Variants in ZKSCAN5 observed in about 807,000 individuals in gnomAD.
ZKSCAN5 encodes the protein zinc finger with KRAB and SCAN domains 5.
Under a neutral mutation model 60.0 loss-of-function variants are expected in ZKSCAN5, and 28 were observed. The observed-to-expected ratio is 0.47, with a 90% CI of 0.35 to 0.64. The LOEUF (loss-of-function observed/expected upper bound fraction) is 0.64, where lower values mean the gene tolerates loss of function less well. ZKSCAN5 is among the 30% of genes least tolerant of loss of function. The pLI is 0.01. For missense variants in ZKSCAN5, 881 were observed against 1,034.6 expected (o/e 0.85, Z 2.04); for synonymous variants, 361 against 371.2 (o/e 0.97, Z 0.31).
intron 1 of ZKSCAN5, chr7:99,504,986 G>C (rs1172879872): frequency 6.6e-6 from 1 of 152,464 alleles, no homozygotes; most frequent in Non-Finnish European, 1.5e-5. Flanking sequence ...AGCTTGGGCT[G>C]TTTGAATGGC....
Position 99,532,410 on chromosome 7 carries a change from C to T in ZKSCAN5, c.*161C>T, listed in dbSNP as rs747184286. The T allele has an allele frequency of 5.8e-5, 33 of 569,240 alleles. No individual in the cohort carries two copies. The highest frequency in any genetic ancestry group is 7.6e-5 in the Non-Finnish European group (27 of 355,308). The allele number at this position is 569,240 out of a possible 1,614,324, so 35.3% of individuals were successfully genotyped here. ...GCCTTTAGGAACACCGGAGAACCCA[C>T]AATAATAGAAATCTTTTCGTGTTCC... is the stretch of plus-strand genomic sequence containing the variant. On this transcript the variant is annotated 3_prime_UTR_variant, in exon 7 of 7. Transcript: ENST00000326775.
At position 99,533,972 on chromosome 7, in the gene ZKSCAN5, T is replaced by G; in HGVS notation, c.*1723T>G. ...GAGTGAAGACCCGCATCACTGTTAA[T>G]AGTCCTGGCATGTGGTACCTGTCCA... is the stretch of plus-strand genomic sequence containing the variant. On this transcript the variant is annotated 3_prime_UTR_variant, in exon 7 of 7. Coordinates refer to ENST00000326775, the MANE Select transcript of ZKSCAN5 (RefSeq NM_145102.4). 1 of 201,722 alleles carries G rather than the reference T, an allele frequency of 5.0e-6. No individual in the cohort carries two copies. Among genetic ancestry groups the G allele is most frequent in the Non-Finnish European group, 9.9e-6 (1 of 101,124 alleles). The allele number at this position is 201,722 out of a possible 1,614,324, so 12.5% of individuals were successfully genotyped here. A position where few individuals can be genotyped will look rare whatever the true frequency, so the allele number is the denominator to read the frequency against.
Position 99,533,508 on chromosome 7 carries a change from A to C in ZKSCAN5, c.*1259A>C. 2.4e-6 allele frequency: 1 copy of C among 412,068 alleles called. No individual in the cohort carries two copies. The highest frequency in any genetic ancestry group is 4.3e-6 in the Non-Finnish European group (1 of 233,430). 25.5% of individuals were successfully genotyped at this position (412,068 alleles called of 1,614,324 possible). A position where few individuals can be genotyped will look rare whatever the true frequency, so the allele number is the denominator to read the frequency against. ...GTCCAGTCCCCTCTACCAAGCTGAG[A>C]CCCCCATCCCCAGCTGCTCTGAGTT... On this transcript the variant is annotated 3_prime_UTR_variant, in exon 7 of 7. Transcript: ENST00000326775.
chr7:99,511,841 G>A (rs554678664), intron 2 of ZKSCAN5, among the ~76,000 whole-genome samples: 12 of 151,896 alleles, frequency 7.9e-5, no homozygotes, highest in African/African-American at 9.7e-5. Flanking sequence ...CCAGGCTAGA[G>A]TGCAGTGGCG....
intron 6 of ZKSCAN5, among the ~76,000 whole-genome samples, chr7:99,528,928 C>T (rs1050923359): frequency 3.9e-5 from 6 of 152,018 alleles, no homozygotes; most frequent in Non-Finnish European, 7.4e-5. Flanking sequence ...GATGACATGC[C>T]GGGGGAGGAA....
At chr7:99,507,874 C>T (rs1294134345) in intron 2 of ZKSCAN5, among the ~76,000 whole-genome samples, 1 of 151,564 alleles carries the variant, frequency 6.6e-6, no homozygotes, top group Non-Finnish European at 1.5e-5. Flanking sequence ...CCACTGTATT[C>T]CAGCCTGTGT....
chr7:99,518,978 C>A (rs1211746204), intron 3 of ZKSCAN5, among the ~76,000 whole-genome samples: 1 of 103,508 alleles, frequency 9.7e-6, no homozygotes, highest in Non-Finnish European at 2.0e-5. Flanking sequence ...CTGGCCCCCA[C>A]CTTTTTTTTT....
At chr7:99,522,678 G>A (rs1156889641) in intron 5 of ZKSCAN5, among the ~76,000 whole-genome samples, 1 of 151,554 alleles carries the variant, frequency 6.6e-6, no homozygotes, top group Non-Finnish European at 1.5e-5. Context: ...GTAGAGATGA[G>A]GTTTCACCAC....
chr7:99,516,834 GT>G (rs1801288026), intron 3 of ZKSCAN5, among the ~76,000 whole-genome samples: 1 of 152,142 alleles, frequency 6.6e-6, no homozygotes, highest in Non-Finnish European at 1.5e-5. Flanking sequence ...CACTCTGTAA[GT>G]GCTCCTGCCT....
At chr7:99,530,485 G>T (rs772109896) in intron 6 of ZKSCAN5, among the ~76,000 whole-genome samples, 3 of 151,940 alleles carry the variant, frequency 2.0e-5, no homozygotes, top group Non-Finnish European at 4.4e-5. Flanking sequence ...CTGTCTCCAT[G>T]TCATTTGCCT....
chr7:99,527,629 A>G (rs543797921), intron 6 of ZKSCAN5, among the ~76,000 whole-genome samples: 52 of 151,842 alleles, frequency 3.4e-4, no homozygotes, highest in Non-Finnish European at 5.9e-4. Flanking sequence ...TTGAACTTCA[A>G]TTTTTTTCTC....
chr7:99,534,655 T>C lies in ZKSCAN5; in HGVS notation c.*2406T>C, dbSNP rs1288930091. The C allele has an allele frequency of 1.5e-5, 2 of 135,782 alleles. No homozygotes were observed. The highest frequency in any genetic ancestry group is 5.6e-5 in the African/African-American group (2 of 35,524). 8.4% of individuals were successfully genotyped at this position (135,782 alleles called of 1,614,324 possible). ...ATCACGCCACTGCACTCTAGCCCAG[T>C]TGACAGAGCGACAGTGTCTAAAAAA... On this transcript the variant is annotated 3_prime_UTR_variant, in exon 7 of 7. Coordinates refer to ENST00000326775, the MANE Select transcript of ZKSCAN5 (RefSeq NM_145102.4).
Position 99,533,416 on chromosome 7 carries a change from T to C in ZKSCAN5, c.*1167T>C. ...ACTGCTCAGGCCGTTTCTGCTGACT[T>C]GCCTGGCTTACAATAAATGCCCAAT... On this transcript the variant is annotated 3_prime_UTR_variant, in exon 7 of 7. Coordinates refer to ENST00000326775, the MANE Select transcript of ZKSCAN5 (RefSeq NM_145102.4). 1 of 536,212 alleles carries C rather than the reference T, an allele frequency of 1.9e-6. No homozygotes were observed. Among genetic ancestry groups the C allele is most frequent in the Non-Finnish European group, 3.4e-6 (1 of 294,494 alleles). The allele number at this position is 536,212 out of a possible 1,614,324, so 33.2% of individuals were successfully genotyped here. A position where few individuals can be genotyped will look rare whatever the true frequency, so the allele number is the denominator to read the frequency against.
chr7:99,526,566 T>G (rs1801803426), intron 6 of ZKSCAN5, 148 bp downstream of exon 6: 1 of 1,375,752 alleles, frequency 7.3e-7, no homozygotes, highest in Admixed American at 2.4e-5. Flanking sequence ...TCTTATGTAT[T>G]TATTTTTTGA....
At position 99,506,454 on chromosome 7, in the gene ZKSCAN5, A is replaced by G. The variant is rs1272432260; in HGVS notation, c.410A>G (p.Gln137Arg). ...CAGCGAGAACTTGAGGAACGCAGACAGCAGGTGAGTCAAAGAGAAGCTATA... is the reference window on the plus strand; with the variant it reads ...CAGCGAGAACTTGAGGAACGCAGACGGCAGGTGAGTCAAAGAGAAGCTATA... ...NIQRELEERRQQIVACPDVLP... is the reference protein window; with the variant it reads ...NIQRELEERRRQIVACPDVLP... Residue 137 changes from glutamine to arginine, a missense_variant, in exon 2 of 7, where the codon CAG becomes CGG. Gln to Arg is a conservative substitution (Grantham distance 43). Transcript: ENST00000326775. 1.2e-6 allele frequency: 2 copies of G among 1,608,342 alleles called. No individual in the cohort carries two copies. The highest frequency in any genetic ancestry group is 1.7e-6 in the Non-Finnish European group (2 of 1,176,206).
chr7:99,521,297 G>A (rs370450867), intron 5 of ZKSCAN5, among the ~76,000 whole-genome samples: 6 of 151,936 alleles, frequency 3.9e-5, no homozygotes, highest in East Asian at 1.9e-4. Flanking sequence ...TCCTGGTTTC[G>A]AGCAATTCTC....
chr7:99,519,889 C>T lies in ZKSCAN5; in HGVS notation c.616C>T (p.Leu206Phe), dbSNP rs1801447283. 6.2e-7 allele frequency: 1 copy of T among 1,614,160 alleles called. No individual in the cohort carries two copies. The highest frequency in any genetic ancestry group is 8.5e-7 in the Non-Finnish European group (1 of 1,180,034). The stretch of plus-strand genomic sequence containing the variant: ...GGACAGCCAGGAGCTGACAGCTTCA[C>T]TTCTCTCAACTGGGTCCCAGGTGAG... ...LKDSQELTASLLSTGSQKLVK... is the reference protein window; with the variant it reads ...LKDSQELTASFLSTGSQKLVK... Residue 206 changes from leucine (L) to phenylalanine (F), a missense_variant, in exon 4 of 7, where the codon CTT (leucine) becomes TTT (phenylalanine). This residue lies in a region of ZKSCAN5 where 490 missense variants were observed against 554.5 expected (regional missense o/e 0.88). Transcript: ENST00000326775.
chr7:99,528,443 T>C (rs1801903101), intron 6 of ZKSCAN5, among the ~76,000 whole-genome samples: 1 of 152,170 alleles, frequency 6.6e-6, no homozygotes, highest in Admixed American at 6.6e-5. Context: ...TTTTTGTATT[T>C]TGAGATAGGG....
intron 5 of ZKSCAN5, among the ~76,000 whole-genome samples, chr7:99,523,657 G>A (rs1801646533): frequency 6.6e-6 from 1 of 151,736 alleles, no homozygotes; most frequent in African/African-American, 2.4e-5. Flanking sequence ...CAGTAGATAT[G>A]AATAAAAGAG....
Sources: allele counts gnomAD v4.1 joint callset (sites outside exome capture counted in the v4.1 genomes callset), GRCh38; gene constraint gnomAD v4.1.1; regional missense constraint gnomAD v4.1.1; transcripts MANE v1.5; gene names NCBI Gene and HGNC (gene_info 2026-07-23, HGNC 2026-07-21).